The following GRID1 variants were observed in gnomAD, a reference collection of about 807,000 sequenced individuals.
GRID1 encodes the protein glutamate ionotropic receptor delta type subunit 1, also known as glutamate receptor ionotropic, delta-1.
GRID1 carries 28 observed loss-of-function variants against 98.0 expected under a neutral mutation model. The ratio of observed to expected loss-of-function variants is 0.29; its 90% confidence interval spans 0.21 to 0.39. The LOEUF is 0.39. Among genes scored for constraint, GRID1 ranks in the 10% least tolerant of loss-of-function variants. The pLI, the probability that GRID1 is intolerant of heterozygous loss-of-function variation, is 1.00. For missense variants in GRID1, 1,111 were observed against 1,340.5 expected (o/e 0.83, Z 2.67); for synonymous variants, 553 against 538.5 (o/e 1.03, Z -0.37).
At chr10:86,019,953 A>G (rs967295829) in intron 4 of GRID1, among the ~76,000 whole-genome samples, 7 of 152,238 alleles carry the variant, frequency 4.6e-5, no homozygotes, top group African/African-American at 1.7e-4. Context: ...GCTAGGCACA[A>G]TGAAAGCTTG....
At chr10:86,024,507 C>T (rs941154035) in intron 4 of GRID1, among the ~76,000 whole-genome samples, 1 of 152,198 alleles carries the variant, frequency 6.6e-6, no homozygotes, top group Non-Finnish European at 1.5e-5. Flanking sequence ...TCTTGTGAGA[C>T]GCTCTAAATG....
intron 12 of GRID1, among the ~76,000 whole-genome samples, chr10:85,712,873 T>C (rs1841597238): frequency 6.6e-6 from 1 of 151,098 alleles, no homozygotes; most frequent in Non-Finnish European, 1.5e-5. Context: ...TTGAGGCAAA[T>C]AAAAATGGAA....
intron 4 of GRID1, among the ~76,000 whole-genome samples, chr10:85,947,318 C>T (rs1232743634): frequency 6.6e-6 from 1 of 152,234 alleles, no homozygotes; most frequent in African/African-American, 2.4e-5. Context: ...AAGCTGTGAA[C>T]ACGGAGCCTG....
At chr10:85,791,820 A>G (rs1842483332) in intron 8 of GRID1, among the ~76,000 whole-genome samples, 1 of 152,208 alleles carries the variant, frequency 6.6e-6, no homozygotes, top group South Asian at 2.1e-4. Flanking sequence ...AGAGATTATA[A>G]AACAACAGAC....
At position 86,177,647 on chromosome 10, in the gene GRID1, ATG is replaced by A. The variant is rs1238847264; in HGVS notation, c.520+28715_520+28716del. ...GAAAGAGACTTTAGCATGTGTATGC[ATG>A]TGTGTGTGAGAGACAGAGATCCATT... On this transcript the variant is annotated intron_variant, in intron 3 of 15. Coordinates refer to ENST00000327946, the MANE Select transcript of GRID1 (RefSeq NM_017551.3). 1.6e-4 allele frequency among the ~76,000 whole-genome samples: 24 copies of A among 151,196 alleles called. 1 individual carries two copies. Among genetic ancestry groups the A allele is most frequent in the Non-Finnish European group, 4.5e-5 (3 of 67,404 alleles).
chr10:86,313,858 G>C (rs76621954), intron 2 of GRID1, among the ~76,000 whole-genome samples: 1 of 152,118 alleles, frequency 6.6e-6, no homozygotes, highest in Non-Finnish European at 1.5e-5. Flanking sequence ...GCCTGTCGGC[G>C]CTTGTTGTTT....
chr10:85,772,037 C>T (rs566714807), intron 8 of GRID1, among the ~76,000 whole-genome samples: 44 of 152,246 alleles, frequency 2.9e-4, no homozygotes, highest in South Asian at 8.3e-4. Context: ...CAGCACCACA[C>T]CACACCTATT....
At chr10:85,707,854 G>A (rs572767409) in intron 12 of GRID1, among the ~76,000 whole-genome samples, 2 of 151,996 alleles carry the variant, frequency 1.3e-5, no homozygotes, top group African/African-American at 4.8e-5. Context: ...TCAGCAAACT[G>A]TTGCAAGGAC....
At chr10:85,708,294 C>T (rs1429803432) in intron 12 of GRID1, among the ~76,000 whole-genome samples, 1 of 151,762 alleles carries the variant, frequency 6.6e-6, no homozygotes, top group African/African-American at 2.4e-5. Flanking sequence ...GTCCTAGCTA[C>T]TCGGGAGGCT....
At chr10:86,167,541 G>C (rs12258792) in intron 3 of GRID1, among the ~76,000 whole-genome samples, 25,942 of 152,198 alleles carry the variant, frequency 0.17, 2,881 homozygotes, top group African/African-American at 0.31. Flanking sequence ...GTGGTTGCTG[G>C]GGGAGTGGCG....
chr10:85,974,536 A>C (rs2086495630), intron 4 of GRID1, among the ~76,000 whole-genome samples: 1 of 152,176 alleles, frequency 6.6e-6, no homozygotes, highest in South Asian at 2.1e-4. Flanking sequence ...TTATCTTGTT[A>C]TCTCTGACAC....
chr10:85,778,123 A>G (rs1246230064), intron 8 of GRID1, among the ~76,000 whole-genome samples: 1 of 152,152 alleles, frequency 6.6e-6, no homozygotes, highest in African/African-American at 2.4e-5. Context: ...AACTACATGG[A>G]CGAGAAAAGG....
chr10:85,865,918 T>C (rs1317239547), intron 6 of GRID1, among the ~76,000 whole-genome samples: 1 of 94,532 alleles, frequency 1.1e-5, no homozygotes, highest in Non-Finnish European at 2.1e-5. Flanking sequence ...TATACATATA[T>C]ATATATATAT....
chr10:86,036,565 G>A (rs1400361816), intron 4 of GRID1, among the ~76,000 whole-genome samples: 1 of 152,214 alleles, frequency 6.6e-6, no homozygotes. Context: ...TTTCTCCAGA[G>A]GGCCAGGATA....
At chr10:86,221,102 G>T (rs1188429190) in intron 2 of GRID1, among the ~76,000 whole-genome samples, 1 of 152,188 alleles carries the variant, frequency 6.6e-6, no homozygotes, top group Non-Finnish European at 1.5e-5. Flanking sequence ...CTGGCCCTGG[G>T]ACGTTACCAT....
chr10:86,238,564 G>A (rs1239822591), intron 2 of GRID1, among the ~76,000 whole-genome samples: 1 of 152,044 alleles, frequency 6.6e-6, no homozygotes, highest in East Asian at 1.9e-4. Context: ...CAGCTACTTG[G>A]GAGGCTGAGG....
At chr10:86,035,713 T>G (rs1327349047) in intron 4 of GRID1, among the ~76,000 whole-genome samples, 5 of 152,130 alleles carry the variant, frequency 3.3e-5, no homozygotes, top group Non-Finnish European at 2.9e-5. Context: ...AACAGCATAG[T>G]CCAGGAGGGA....
chr10:85,895,256 T>C (rs1025214675), intron 5 of GRID1, among the ~76,000 whole-genome samples: 1 of 151,808 alleles, frequency 6.6e-6, no homozygotes, highest in Non-Finnish European at 1.5e-5. Flanking sequence ...TCCCATCATC[T>C]CTAATAAAGG....
At chr10:85,913,681 C>T (rs1025122720) in intron 5 of GRID1, among the ~76,000 whole-genome samples, 13 of 116,830 alleles carry the variant, frequency 1.1e-4, no homozygotes, top group Admixed American at 2.8e-4. Flanking sequence ...CCCAGCTACT[C>T]AGGAGGCTGA....
Sources: allele counts gnomAD v4.1 joint callset (sites outside exome capture counted in the v4.1 genomes callset), GRCh38; gene constraint gnomAD v4.1.1; transcripts MANE v1.5; gene names NCBI Gene and HGNC (gene_info 2026-07-23, HGNC 2026-07-21).